Variants in POLA1 observed in about 807,000 individuals in gnomAD.
POLA1 encodes DNA polymerase alpha 1, catalytic subunit.
In POLA1, 15 loss-of-function variants were observed where a neutral mutation model predicts 124.0. That is an observed-to-expected ratio of 0.12 (90% CI 0.08 to 0.19). The LOEUF is 0.19. Ranked by LOEUF, POLA1 falls within the 10% of genes least tolerant of loss-of-function variation. The probability of loss-of-function intolerance (pLI) is 1.00; values close to 1 mark genes in which losing one functional copy is unlikely to be tolerated. For synonymous variants in POLA1, 408 were observed against 389.4 expected, an observed-to-expected ratio of 1.05 and a Z score of -0.56; for missense variants, 886 against 1,103.4, an observed-to-expected ratio of 0.80 and a Z score of 2.79.
At chrX:24,732,925 A>G (rs971645390) in intron 16 of POLA1, among the ~76,000 whole-genome samples, 12 of 112,091 alleles carry the variant, frequency 1.1e-4, no homozygotes, top group African/African-American at 3.9e-4. Flanking sequence ...ATAAAATTCA[A>G]TGGATGAAAC....
At chrX:24,974,897 T>C (rs2048348093) in intron 36 of POLA1, among the ~76,000 whole-genome samples, 1 of 112,602 alleles carries the variant, frequency 8.9e-6, no homozygotes, top group Non-Finnish European at 1.9e-5. Context: ...GGGGCCACTG[T>C]GCCAGTGCTG....
chrX:24,992,706 G>GT (rs2048548610), intron 36 of POLA1, among the ~76,000 whole-genome samples: 1 of 112,514 alleles, frequency 8.9e-6, no homozygotes, highest in Non-Finnish European at 1.9e-5. Flanking sequence ...GAGATTTTTG[G>GT]TTTACTGACA....
Position 24,850,190 on chromosome X carries a change from G to C in POLA1, c.4047+6513G>C, listed in dbSNP as rs188780621. Among the ~76,000 whole-genome samples the C allele has an allele frequency of 3.1e-3, 352 of 112,318 alleles. 1 individual carries two copies. Among genetic ancestry groups the C allele is most frequent in the Non-Finnish European group, 5.3e-3 (284 of 53,266 alleles). ...TGTCAAGCAAGCTCATTTTGAGTCAGGTATAACATTTTGCTGCTATGCCAT... is the reference window on the plus strand; with the variant it reads ...TGTCAAGCAAGCTCATTTTGAGTCACGTATAACATTTTGCTGCTATGCCAT... On this transcript the variant is annotated intron_variant, in intron 34 of 36. Coordinates refer to ENST00000379068, the MANE Select transcript of POLA1 (RefSeq NM_001330360.2).
chrX:24,945,045 C>T (rs1437908345), intron 36 of POLA1, among the ~76,000 whole-genome samples: 1 of 111,739 alleles, frequency 8.9e-6, no homozygotes. Context: ...TTTTGACTTT[C>T]CACCCCTTAC....
At chrX:24,951,943 G>T (rs1048955523) in intron 36 of POLA1, among the ~76,000 whole-genome samples, 1 of 111,809 alleles carries the variant, frequency 8.9e-6, no homozygotes, top group Admixed American at 9.5e-5. Flanking sequence ...TACCATTTTG[G>T]ACACTGCTGT....
At chrX:24,772,529 C>T (rs1225168962) in intron 26 of POLA1, among the ~76,000 whole-genome samples, 1 of 110,280 alleles carries the variant, frequency 9.1e-6, no homozygotes, top group Admixed American at 9.7e-5. Flanking sequence ...TTTCCTGATC[C>T]TCTCCGTCCT....
At chrX:24,812,595 C>A in intron 28 of POLA1, 63 bp from the exon 29 acceptor site, 1 of 662,986 alleles carries the variant, frequency 1.5e-6, no homozygotes, top group Non-Finnish European at 2.3e-6. Flanking sequence ...GAATTTGTAA[C>A]ATGTTCATCT....
intron 34 of POLA1, among the ~76,000 whole-genome samples, chrX:24,844,104 C>T (rs1265859976): frequency 9.2e-6 from 1 of 109,109 alleles, no homozygotes; most frequent in Non-Finnish European, 1.9e-5. Context: ...CCACACAAAA[C>T]TAATACTTTG....
chrX:24,909,353 G>A (rs2047412387), intron 35 of POLA1, among the ~76,000 whole-genome samples: 1 of 111,998 alleles, frequency 8.9e-6, no homozygotes, highest in African/African-American at 3.2e-5. Flanking sequence ...TTCTTCTAGG[G>A]TTTTTATGGT....
At chrX:24,840,552 G>T (rs752060548) in intron 32 of POLA1, among the ~76,000 whole-genome samples, 7 of 111,976 alleles carry the variant, frequency 6.3e-5, no homozygotes, top group Admixed American at 9.5e-5. Context: ...TAGGATTTAG[G>T]ATTCTGTCAC....
intron 29 of POLA1, among the ~76,000 whole-genome samples, chrX:24,814,528 G>T (rs1471170526): frequency 1.8e-5 from 2 of 111,724 alleles, no homozygotes; most frequent in Non-Finnish European, 3.8e-5. Flanking sequence ...TACTCATCTA[G>T]CGCATGGTTG....
chrX:24,768,003 C>CA (rs1428892366), intron 26 of POLA1, among the ~76,000 whole-genome samples: 1 of 112,630 alleles, frequency 8.9e-6, no homozygotes, highest in Non-Finnish European at 1.9e-5. Flanking sequence ...TAATTCAAAT[C>CA]TAGGCAGTCC....
intron 26 of POLA1, among the ~76,000 whole-genome samples, chrX:24,797,499 A>G (rs1281047609): frequency 9.0e-6 from 1 of 110,718 alleles, no homozygotes; most frequent in Non-Finnish European, 1.9e-5. Flanking sequence ...GTGTGTATGT[A>G]GTATGTGTGT....
At chrX:24,959,963 T>A (rs781454793) in intron 36 of POLA1, among the ~76,000 whole-genome samples, 1 of 111,890 alleles carries the variant, frequency 8.9e-6, no homozygotes, top group Non-Finnish European at 1.9e-5. Flanking sequence ...CAGAATTATC[T>A]TGCTGAAAAA....
intron 26 of POLA1, among the ~76,000 whole-genome samples, chrX:24,806,147 A>G (rs2045797578): frequency 1.1e-5 from 1 of 87,495 alleles, no homozygotes; most frequent in South Asian, 6.5e-4. Flanking sequence ...AAAGTGAAAC[A>G]TAAAGTCCAG....
intron 7 of POLA1, 55 bp downstream of exon 7, chrX:24,716,509 T>C (rs1602270832): frequency 7.4e-6 from 5 of 675,322 alleles, no homozygotes; most frequent in East Asian, 3.3e-5. Context: ...TTTAAACTTA[T>C]TTTGTTGCTT....
At position 24,733,739 on chromosome X, in the gene POLA1, T is replaced by G. The variant is rs755709836; in HGVS notation, c.1772-16T>G. ...AAGATGGGTGTTGGAATCTTTATTTTTTTTCCTTTTTACAGTTGTGTCTAA... is the reference window on the plus strand; with the variant it reads ...AAGATGGGTGTTGGAATCTTTATTTGTTTTCCTTTTTACAGTTGTGTCTAA... On this transcript the variant is annotated splice_polypyrimidine_tract_variant and intron_variant, in intron 16 of 36. Transcript: ENST00000379068. 6 of 988,069 alleles carry G rather than the reference T, an allele frequency of 6.1e-6. No individual in the cohort carries two copies. In the African/African-American group the frequency reaches 7.7e-5, roughly 13 times the overall value. 81.4% of individuals were successfully genotyped at this position (988,069 alleles called of 1,213,427 possible). A position where few individuals can be genotyped will look rare whatever the true frequency, so the allele number is the denominator to read the frequency against.
At chrX:24,971,907 C>T (rs1184099664) in intron 36 of POLA1, among the ~76,000 whole-genome samples, 1 of 107,884 alleles carries the variant, frequency 9.3e-6, no homozygotes. Context: ...GGGGGGATTT[C>T]ATGAAAAGGG....
At chrX:24,961,584 A>G (rs1439065673) in intron 36 of POLA1, among the ~76,000 whole-genome samples, 2 of 110,997 alleles carry the variant, frequency 1.8e-5, no homozygotes, top group Non-Finnish European at 3.8e-5. Context: ...CCCAGGAGAA[A>G]AGACCTCCTT....
Sources: allele counts gnomAD v4.1 joint callset (sites outside exome capture counted in the v4.1 genomes callset), GRCh38; gene constraint gnomAD v4.1.1; transcripts MANE v1.5; gene names NCBI Gene and HGNC (gene_info 2026-07-23, HGNC 2026-07-21).